SGCZ: variants seen among roughly 807,000 people sequenced by gnomAD.
SGCZ encodes the protein sarcoglycan zeta, also known as zeta-sarcoglycan.
In SGCZ, 40 loss-of-function variants were observed where a neutral mutation model predicts 41.3. That is an observed-to-expected ratio of 0.97 (90% CI 0.75 to 1.26). SGCZ has a LOEUF of 1.26. Ranked by LOEUF, SGCZ falls within the 50% of genes most tolerant of loss-of-function variation. SGCZ has a pLI of 0.00. For missense variants in SGCZ, 552 were observed against 369.8 expected (o/e 1.49, Z -4.04); for synonymous variants, 206 against 137.5 (o/e 1.50, Z -3.49).
chr8:14,813,505 T>C (rs1801798469), intron 1 of SGCZ, among the ~76,000 whole-genome samples: 1 of 152,172 alleles, frequency 6.6e-6, no homozygotes, highest in Non-Finnish European at 1.5e-5. Flanking sequence ...TTTTGTTCAA[T>C]AAAATGAAGT....
At chr8:14,912,855 G>A (rs1799316582) in intron 1 of SGCZ, among the ~76,000 whole-genome samples, 1 of 152,046 alleles carries the variant, frequency 6.6e-6, no homozygotes, top group Non-Finnish European at 1.5e-5. Flanking sequence ...AGGTTACCAA[G>A]CATGTCTTCT....
At chr8:14,129,389 A>G (rs1802966638) in intron 5 of SGCZ, among the ~76,000 whole-genome samples, 1 of 150,230 alleles carries the variant, frequency 6.7e-6, no homozygotes, top group Non-Finnish European at 1.5e-5. Context: ...TCTTGTACTC[A>G]TAAATTTATA....
chr8:15,001,254 G>A (rs77728918), intron 1 of SGCZ, among the ~76,000 whole-genome samples: 3,285 of 152,274 alleles, frequency 0.022, 136 homozygotes, highest in African/African-American at 0.074. Context: ...ACATTTCTGA[G>A]ATAAGACTTC....
intron 4 of SGCZ, among the ~76,000 whole-genome samples, chr8:14,174,515 C>T (rs1804484663): frequency 1.3e-5 from 2 of 151,978 alleles, no homozygotes; most frequent in African/African-American, 4.8e-5. Context: ...TAATGAAAGA[C>T]ACAAACTCAA....
intron 3 of SGCZ, among the ~76,000 whole-genome samples, chr8:14,273,125 T>C (rs1800115968): frequency 6.6e-6 from 1 of 152,056 alleles, no homozygotes. Flanking sequence ...CATGAAGAGC[T>C]TTTCCTCAGT....
At chr8:14,267,622 G>A (rs528482708) in intron 3 of SGCZ, among the ~76,000 whole-genome samples, 2 of 152,086 alleles carry the variant, frequency 1.3e-5, no homozygotes, top group Non-Finnish European at 2.9e-5. Flanking sequence ...TGTTGTCACT[G>A]TTTTACTCCT....
intron 1 of SGCZ, among the ~76,000 whole-genome samples, chr8:15,131,547 G>C (rs553253167): frequency 6.6e-6 from 1 of 152,294 alleles, no homozygotes; most frequent in South Asian, 2.1e-4. Context: ...ACAATCAAAT[G>C]ATATTTTATT....
chr8:14,195,222 A>G (rs1340791532), intron 4 of SGCZ, among the ~76,000 whole-genome samples: 1 of 152,132 alleles, frequency 6.6e-6, no homozygotes, highest in Non-Finnish European at 1.5e-5. Context: ...TGTCTGGAGA[A>G]AAGTCAGGGA....
intron 1 of SGCZ, among the ~76,000 whole-genome samples, chr8:14,925,955 A>G (rs1799734478): frequency 6.6e-6 from 1 of 152,232 alleles, no homozygotes; most frequent in Admixed American, 6.5e-5. Context: ...TGTTTTTTAC[A>G]CTGTTGAATA....
At chr8:15,076,024 G>C (rs1053645263) in intron 1 of SGCZ, among the ~76,000 whole-genome samples, 12 of 151,756 alleles carry the variant, frequency 7.9e-5, no homozygotes, top group Admixed American at 2.6e-4. Context: ...CATAACTTTT[G>C]GTACTATGAG....
chr8:14,112,535 CA>C (rs1802407289), intron 5 of SGCZ, among the ~76,000 whole-genome samples: 1 of 152,038 alleles, frequency 6.6e-6, no homozygotes, highest in African/African-American at 2.4e-5. Flanking sequence ...TAAATATATT[CA>C]AACTTTTTGG....
intron 2 of SGCZ, among the ~76,000 whole-genome samples, chr8:14,388,369 C>T (rs1804646657): frequency 1.3e-5 from 2 of 151,746 alleles, no homozygotes; most frequent in Admixed American, 6.6e-5. Context: ...GTCAACAATG[C>T]CTGTGACTCA....
intron 1 of SGCZ, among the ~76,000 whole-genome samples, chr8:15,189,344 C>T (rs939179177): frequency 2.6e-5 from 4 of 152,116 alleles, no homozygotes; most frequent in African/African-American, 9.7e-5. Context: ...AGCAAACATA[C>T]GTTTTCTCTA....
chr8:14,508,018 G>C (rs1019112720), intron 2 of SGCZ, among the ~76,000 whole-genome samples: 2 of 151,942 alleles, frequency 1.3e-5, no homozygotes, highest in Non-Finnish European at 2.9e-5. Flanking sequence ...TGATCTGGCC[G>C]CCTCGGCCTC....
chr8:14,887,074 G>T (rs1012330463), intron 1 of SGCZ, among the ~76,000 whole-genome samples: 8 of 152,118 alleles, frequency 5.3e-5, no homozygotes, highest in African/African-American at 9.7e-5. Context: ...GGAACAGGTT[G>T]AAGGAGGGCC....
chr8:14,405,230 C>T (rs937493270), intron 2 of SGCZ, among the ~76,000 whole-genome samples: 1 of 152,190 alleles, frequency 6.6e-6, no homozygotes, highest in Non-Finnish European at 1.5e-5. Flanking sequence ...GACATAGATT[C>T]ATTTTTATGA....
intron 1 of SGCZ, among the ~76,000 whole-genome samples, chr8:14,667,046 G>A (rs191400329): frequency 6.6e-6 from 1 of 152,028 alleles, no homozygotes; most frequent in Non-Finnish European, 1.5e-5. Context: ...GAGACATATA[G>A]AGAGAGACAT....
chr8:14,435,108 A>C (rs1800051329), intron 2 of SGCZ, among the ~76,000 whole-genome samples: 1 of 152,230 alleles, frequency 6.6e-6, no homozygotes, highest in African/African-American at 2.4e-5. Flanking sequence ...CAAAAATATT[A>C]ATAAAAGCGT....
intron 1 of SGCZ, among the ~76,000 whole-genome samples, chr8:15,139,818 A>C (rs2116993472): frequency 6.6e-6 from 1 of 152,216 alleles, no homozygotes; most frequent in East Asian, 1.9e-4. Flanking sequence ...ATCTATTTTT[A>C]ATTATTAGTG....
Sources: gnomAD v4.1 joint callset for allele counts (sites outside exome capture counted in the v4.1 genomes callset) on GRCh38, gnomAD v4.1.1 for gene constraint, MANE v1.5 for transcripts, NCBI Gene and HGNC (gene_info 2026-07-23, HGNC 2026-07-21) for gene names.